The following ADAMTS17 variants were observed in gnomAD, a reference collection of about 807,000 sequenced individuals.
The protein encoded by ADAMTS17 is A disintegrin and metalloproteinase with thrombospondin motifs 17.
Under a neutral mutation model 141.5 loss-of-function variants are expected in ADAMTS17, and 113 were observed. That is an observed-to-expected ratio of 0.80 (90% CI 0.69 to 0.93). The LOEUF is 0.93. ADAMTS17 is among the 40% of genes least tolerant of loss of function. The pLI, the probability that ADAMTS17 is intolerant of heterozygous loss-of-function variation, is 0.00. For synonymous variants in ADAMTS17, 768 were observed against 630.6 expected (o/e 1.22, Z -3.27); for missense variants, 1,659 against 1,517.9 (o/e 1.09, Z -1.54).
chr15:100,102,745 C>CT (rs1357192167), intron 14 of ADAMTS17, among the ~76,000 whole-genome samples: 2 of 152,184 alleles, frequency 1.3e-5, no homozygotes, highest in East Asian at 3.9e-4. Context: ...AGAGACCTCC[C>CT]TGCCTGCTCT....
At chr15:100,032,511 G>A (rs771293246) in intron 18 of ADAMTS17, among the ~76,000 whole-genome samples, 1 of 152,134 alleles carries the variant, frequency 6.6e-6, no homozygotes, top group African/African-American at 2.4e-5. Context: ...TTTGGGCTGC[G>A]AGTTTCACTT....
At chr15:100,065,315 G>C (rs1014441618) in intron 15 of ADAMTS17, among the ~76,000 whole-genome samples, 7 of 152,114 alleles carry the variant, frequency 4.6e-5, no homozygotes, top group Non-Finnish European at 1.0e-4. Context: ...AATTAGTTTT[G>C]CTAGGTAATG....
At chr15:100,204,637 ATGAAT>A (rs1375444504) in intron 7 of ADAMTS17, among the ~76,000 whole-genome samples, 2 of 152,254 alleles carry the variant, frequency 1.3e-5, no homozygotes, top group Non-Finnish European at 2.9e-5. Flanking sequence ...ATAAGTCAAA[ATGAAT>A]TGAAGAGATA....
At position 100,108,960 on chromosome 15, in the gene ADAMTS17, C is replaced by G. The variant is rs1224149859; in HGVS notation, c.2016+29G>C. 3 of 1,612,694 alleles carry G rather than the reference C, an allele frequency of 1.9e-6. No individual in the cohort carries two copies. In the African/African-American group the frequency reaches 4.0e-5, roughly 22 times the overall value. ...AGAGTGAGTCTCCTCTCCAAAGCCC[C>G]ACCAAGGACCGAAGGAGAAGTACGT... On this transcript the variant is annotated intron_variant, in intron 14 of 21. Coordinates refer to ENST00000268070, the MANE Select transcript of ADAMTS17 (RefSeq NM_139057.4).
intron 3 of ADAMTS17, among the ~76,000 whole-genome samples, chr15:100,302,523 C>T (rs2045075498): frequency 6.6e-6 from 1 of 152,192 alleles, no homozygotes. Flanking sequence ...ACATTCTCAA[C>T]AGCAGTCTAT....
intron 7 of ADAMTS17, among the ~76,000 whole-genome samples, chr15:100,235,972 T>A (rs1271886149): frequency 1.3e-5 from 2 of 152,044 alleles, no homozygotes; most frequent in African/African-American, 4.8e-5. Context: ...AATACCAACA[T>A]CAAGTTTATG....
chr15:100,309,220 GGCAC>G (rs1469635107), intron 3 of ADAMTS17, among the ~76,000 whole-genome samples: 3 of 152,168 alleles, frequency 2.0e-5, no homozygotes, highest in African/African-American at 7.2e-5. Flanking sequence ...TGGGCGTGGT[GGCAC>G]ACACCTCTGA....
intron 15 of ADAMTS17, among the ~76,000 whole-genome samples, chr15:100,058,760 G>C (rs2032866768): frequency 6.6e-6 from 1 of 152,198 alleles, no homozygotes; most frequent in African/African-American, 2.4e-5. Flanking sequence ...GGTCTTGCTT[G>C]TCTGTAGCGG....
chr15:100,118,158 G>T lies in ADAMTS17; in HGVS notation c.1722-1145C>A, dbSNP rs568998414. Among the ~76,000 whole-genome samples, 64 of 152,156 alleles carry T rather than the reference G, an allele frequency of 4.2e-4. 1 individual carries two copies. The highest frequency in any genetic ancestry group is 8.8e-5 in the Non-Finnish European group (6 of 68,024). On this transcript the variant is annotated intron_variant, in intron 12 of 21. Coordinates refer to ENST00000268070, the MANE Select transcript of ADAMTS17 (RefSeq NM_139057.4). ...AAGGGCCAGATAGTGAATATTTTTG[G>T]TTTTGTGGGCCAAATAGTCTCCAAC... is the stretch of plus-strand genomic sequence containing the variant.
chr15:100,192,918 C>T (rs2141598812), intron 8 of ADAMTS17, among the ~76,000 whole-genome samples: 1 of 152,248 alleles, frequency 6.6e-6, no homozygotes, highest in South Asian at 2.1e-4. Context: ...TGCCCATGGG[C>T]CACACTTTGC....
intron 18 of ADAMTS17, among the ~76,000 whole-genome samples, chr15:100,006,955 C>T (rs2061048036): frequency 6.6e-6 from 1 of 152,234 alleles, no homozygotes; most frequent in Admixed American, 6.5e-5. Context: ...GGTCAACCCG[C>T]TCAGTCTCAG....
chr15:100,315,302 T>C (rs2045529567), intron 3 of ADAMTS17, among the ~76,000 whole-genome samples: 1 of 152,106 alleles, frequency 6.6e-6, no homozygotes, highest in African/African-American at 2.4e-5. Context: ...GGTTCACCCC[T>C]CTTTTCTCTC....
chr15:100,243,380 A>G (rs945350173), intron 7 of ADAMTS17, among the ~76,000 whole-genome samples: 2 of 152,220 alleles, frequency 1.3e-5, no homozygotes, highest in African/African-American at 4.8e-5. Context: ...TAATTTTTTG[A>G]GAAACTACCA....
intron 18 of ADAMTS17, among the ~76,000 whole-genome samples, chr15:100,004,701 G>A (rs2061003916): frequency 6.8e-6 from 1 of 147,870 alleles, no homozygotes; most frequent in Non-Finnish European, 1.5e-5. Flanking sequence ...GCGCACTGCA[G>A]CCTCCACCTC....
intron 13 of ADAMTS17, among the ~76,000 whole-genome samples, chr15:100,111,142 A>G (rs1437358569): frequency 2.0e-5 from 3 of 152,276 alleles, no homozygotes; most frequent in South Asian, 4.2e-4. Context: ...GCATCCATTC[A>G]CCAAGCAGGG....
intron 8 of ADAMTS17, among the ~76,000 whole-genome samples, chr15:100,186,134 AGTAT>A (rs554011022): frequency 3.9e-5 from 6 of 152,184 alleles, no homozygotes; most frequent in Non-Finnish European, 8.8e-5. Flanking sequence ...ACATCAATGA[AGTAT>A]GTGAAGGAAG....
chr15:100,053,864 CCCT>C (rs766392354), intron 16 of ADAMTS17, 30 bp downstream of exon 16: 1 of 1,614,116 alleles, frequency 6.2e-7, no homozygotes, highest in Non-Finnish European at 8.5e-7. Flanking sequence ...GAGCCACACC[CCCT>C]AAGACAAGTG....
chr15:100,049,139 TAG>T, intron 17 of ADAMTS17, 147 bp from the exon 18 acceptor site: 2 of 1,255,292 alleles, frequency 1.6e-6, no homozygotes, highest in South Asian at 1.3e-5. Context: ...TGTGGGTTTT[TAG>T]AGAGGAAGAA....
chr15:100,163,136 T>A (rs2039806802), intron 8 of ADAMTS17, among the ~76,000 whole-genome samples: 1 of 151,764 alleles, frequency 6.6e-6, no homozygotes, highest in African/African-American at 2.4e-5. Flanking sequence ...TACCTACACT[T>A]ACACGTACGT....
Sources: allele counts gnomAD v4.1 joint callset (sites outside exome capture counted in the v4.1 genomes callset), GRCh38; gene constraint gnomAD v4.1.1; transcripts MANE v1.5; gene names NCBI Gene and HGNC (gene_info 2026-07-23, HGNC 2026-07-21).